The following CGNL1 variants were observed in gnomAD, a reference collection of about 807,000 sequenced individuals.
CGNL1 encodes cingulin-like protein 1.
CGNL1 carries 132 observed loss-of-function variants against 141.2 expected under a neutral mutation model. The observed-to-expected ratio is 0.93, with a 90% CI of 0.81 to 1.08. The LOEUF is 1.08. Ranked by LOEUF, CGNL1 falls within the 50% of genes least tolerant of loss-of-function variation. The probability of loss-of-function intolerance (pLI) is 0.00; values close to 1 mark genes in which losing one functional copy is unlikely to be tolerated. For missense variants in CGNL1, 1,870 were observed against 1,588.6 expected, an observed-to-expected ratio of 1.18 and a Z score of -3.01; for synonymous variants, 690 against 622.1, an observed-to-expected ratio of 1.11 and a Z score of -1.63.
chr15:57,393,205 G>A lies in CGNL1; in HGVS notation c.-16+16638G>A, dbSNP rs562656782. On this transcript the variant is annotated intron_variant, in intron 1 of 18. Coordinates refer to ENST00000281282, the MANE Select transcript of CGNL1 (RefSeq NM_032866.5). ...GAATGTTGTAACTGACATTTCTATTGAGTTACTTTTAACTTTTGTACCCTT... is the reference window on the plus strand; with the variant it reads ...GAATGTTGTAACTGACATTTCTATTAAGTTACTTTTAACTTTTGTACCCTT... 9.2e-5 allele frequency among the ~76,000 whole-genome samples: 14 copies of A among 152,278 alleles called. No homozygotes were observed. In the South Asian group the frequency reaches 2.9e-3, roughly 32 times the overall value.
chr15:57,383,190 G>A (rs2062442205), intron 1 of CGNL1, among the ~76,000 whole-genome samples: 1 of 152,084 alleles, frequency 6.6e-6, no homozygotes, highest in African/African-American at 2.4e-5. Context: ...AGGTGCTGGA[G>A]AGGACCTGAT....
At chr15:57,544,445 C>G (rs202123683) in intron 15 of CGNL1, 28 bp from the exon 16 acceptor site, 3 of 1,613,604 alleles carry the variant, frequency 1.9e-6, no homozygotes, top group African/African-American at 2.7e-5. Flanking sequence ...GACACATAGC[C>G]CCTCACAGTC....
chr15:57,492,208 G>C (rs2063874531), intron 8 of CGNL1, among the ~76,000 whole-genome samples: 1 of 152,210 alleles, frequency 6.6e-6, no homozygotes, highest in Admixed American at 6.5e-5. Flanking sequence ...GGCAGAACCT[G>C]GAGACCTGGC....
intron 8 of CGNL1, among the ~76,000 whole-genome samples, chr15:57,503,379 G>C (rs1252300169): frequency 1.3e-5 from 2 of 152,210 alleles, no homozygotes; most frequent in African/African-American, 4.8e-5. Flanking sequence ...TACCCTGCCA[G>C]ATGCAGTGCT....
chr15:57,391,340 A>T (rs955356046), intron 1 of CGNL1, among the ~76,000 whole-genome samples: 7 of 152,230 alleles, frequency 4.6e-5, no homozygotes, highest in African/African-American at 1.7e-4. Context: ...GGCCAATGAT[A>T]AGCAGCCTTG....
chr15:57,447,426 A>T (rs1324998614), intron 4 of CGNL1, among the ~76,000 whole-genome samples: 1 of 152,188 alleles, frequency 6.6e-6, no homozygotes. Context: ...GTTTTGCTTC[A>T]TGAATTTAAA....
In CGNL1 at chr15:57,449,942, A is replaced by G. The variant is rs182386560; in HGVS notation, c.1804-1558A>G. 9.2e-4 allele frequency among the ~76,000 whole-genome samples: 140 copies of G among 152,266 alleles called. 1 individual carries two copies. The highest frequency in any genetic ancestry group is 3.2e-3 in the African/African-American group (131 of 41,550). ...ATATTCCATTGTCTGATATACCACA[A>G]TTTATACATTCACCTTTTAAGGGCA... On this transcript the variant is annotated intron_variant, in intron 4 of 18. Transcript: ENST00000281282.
At chr15:57,469,581 C>T (rs549989173) in intron 8 of CGNL1, among the ~76,000 whole-genome samples, 5 of 152,144 alleles carry the variant, frequency 3.3e-5, no homozygotes, top group Admixed American at 1.3e-4. Flanking sequence ...TTGCATTAGA[C>T]ATGTCCATAC....
At chr15:57,434,077 AG>A (rs1354815101) in intron 1 of CGNL1, among the ~76,000 whole-genome samples, 1 of 149,528 alleles carries the variant, frequency 6.7e-6, no homozygotes. Context: ...TATGAAAAGT[AG>A]GGGCCAAAAC....
At chr15:57,417,740 A>G (rs1326116776) in intron 1 of CGNL1, among the ~76,000 whole-genome samples, 7 of 152,190 alleles carry the variant, frequency 4.6e-5, no homozygotes, top group African/African-American at 1.4e-4. Context: ...GCAAAAGCCA[A>G]TATAGCCCCT....
chr15:57,394,577 A>G (rs1455818701), intron 1 of CGNL1, among the ~76,000 whole-genome samples: 1 of 152,198 alleles, frequency 6.6e-6, no homozygotes, highest in Non-Finnish European at 1.5e-5. Context: ...TAAAGCCACA[A>G]TTCATGAGAA....
At chr15:57,437,559 C>G (rs941342230) in intron 1 of CGNL1, among the ~76,000 whole-genome samples, 1 of 127,882 alleles carries the variant, frequency 7.8e-6, no homozygotes, top group Non-Finnish European at 1.6e-5. Flanking sequence ...ATGCTGGTAA[C>G]TGGAACATCC....
intron 8 of CGNL1, 62 bp downstream of exon 8, chr15:57,461,954 C>T: frequency 8.4e-7 from 1 of 1,188,252 alleles, no homozygotes; most frequent in Non-Finnish European, 1.3e-6. Context: ...CCCTCTCTCC[C>T]ACACCACTGC....
intron 1 of CGNL1, among the ~76,000 whole-genome samples, chr15:57,389,777 A>G (rs201143934): frequency 6.6e-6 from 1 of 152,176 alleles, no homozygotes; most frequent in East Asian, 1.9e-4. Context: ...TTGCTGCTTA[A>G]TATTGCCGTG....
At chr15:57,502,926 C>T (rs2064045920) in intron 8 of CGNL1, among the ~76,000 whole-genome samples, 1 of 152,202 alleles carries the variant, frequency 6.6e-6, no homozygotes, top group Non-Finnish European at 1.5e-5. Context: ...AAGACACCCA[C>T]TCCTGCTCAG....
chr15:57,521,256 C>T (rs570772050), intron 10 of CGNL1, among the ~76,000 whole-genome samples: 8 of 152,024 alleles, frequency 5.3e-5, no homozygotes, highest in Non-Finnish European at 7.4e-5. Flanking sequence ...GGAGGAAGAC[C>T]GTTGTTCTAA....
chr15:57,502,218 C>G (rs527960625), intron 8 of CGNL1, among the ~76,000 whole-genome samples: 109 of 152,200 alleles, frequency 7.2e-4, no homozygotes, highest in African/African-American at 2.5e-3. Flanking sequence ...TTGGAAGGCT[C>G]TCGTTTGGAG....
rs535931877 is a variant in CGNL1, at chr15:57,471,921, C to T, written c.2403+10029C>T. On this transcript the variant is annotated intron_variant, in intron 8 of 18. Coordinates refer to ENST00000281282, the MANE Select transcript of CGNL1 (RefSeq NM_032866.5). ...ACATGGAGAAAAGGGGTGAGAAGGA[C>T]GTTATTCAGATAATCACATGGATAA... 5.9e-5 allele frequency among the ~76,000 whole-genome samples: 9 copies of T among 152,012 alleles called. No individual in the cohort carries two copies. The East Asian group carries it at 1.4e-3, about 23-fold the overall frequency.
In CGNL1 at chr15:57,453,787, C is replaced by G; in HGVS notation, c.2159C>G (p.Ser720Trp). 6.2e-7 allele frequency: 1 copy of G among 1,613,744 alleles called. No individual in the cohort carries two copies. The highest frequency in any genetic ancestry group is 8.5e-7 in the Non-Finnish European group (1 of 1,179,886). The part of the protein sequence containing the change: ...MHDELDSAKR[S>W]EDREKGALIE... ...GATGAACTGGACAGTGCAAAGCGATCGGAGGACAGGGAGAAGGGAGCTCTG... is the reference window on the plus strand; with the variant it reads ...GATGAACTGGACAGTGCAAAGCGATGGGAGGACAGGGAGAAGGGAGCTCTG... Residue 720 changes from serine (S) to tryptophan (W), a missense_variant, in exon 7 of 19, where the codon TCG becomes TGG. Transcript: ENST00000281282.
Sources: allele counts gnomAD v4.1 joint callset (sites outside exome capture counted in the v4.1 genomes callset), GRCh38; gene constraint gnomAD v4.1.1; transcripts MANE v1.5; gene names NCBI Gene and HGNC (gene_info 2026-07-23, HGNC 2026-07-21).